Variants in MINK1 observed in about 807,000 individuals in gnomAD.
MINK1 encodes misshapen like kinase 1, also known as misshapen-like kinase 1.
In MINK1, 46 loss-of-function variants were observed where a neutral mutation model predicts 178.4. That is an observed-to-expected ratio of 0.26 (90% CI 0.20 to 0.33). MINK1 has a LOEUF of 0.33. MINK1 is among the 10% of genes least tolerant of loss of function. The pLI is 1.00. For missense variants in MINK1, 1,366 were observed against 1,814.9 expected (o/e 0.75, Z 4.49); for synonymous variants, 797 against 709.7 (o/e 1.12, Z -1.96).
intron 1 of MINK1, among the ~76,000 whole-genome samples, chr17:4,834,960 T>A (rs578179363): frequency 1.3e-5 from 2 of 152,288 alleles, no homozygotes; most frequent in South Asian, 4.1e-4. Flanking sequence ...GTGACACAGT[T>A]TTTTTTCTTC....
chr17:4,855,974 C>CA (rs60062875), intron 1 of MINK1, among the ~76,000 whole-genome samples: 498 of 119,090 alleles, frequency 4.2e-3, no homozygotes, highest in Middle Eastern at 8.4e-3. Context: ...GACTCTATCT[C>CA]AAAAAAAAAA....
rs572967895 is a variant in MINK1 at position 4,875,494 on chromosome 17, C to T, written c.58-2823C>T. 9.7e-4 allele frequency: 440 copies of T among 453,730 alleles called. 1 individual carries two copies. Among genetic ancestry groups the T allele is most frequent in the Non-Finnish European group, 1.5e-3 (340 of 226,716 alleles). 28.1% of individuals were successfully genotyped at this position (453,730 alleles called of 1,614,324 possible). A position where few individuals can be genotyped will look rare whatever the true frequency, so the allele number is the denominator to read the frequency against. On this transcript the variant is annotated intron_variant, in intron 1 of 31. Coordinates refer to ENST00000355280, the MANE Select transcript of MINK1 (RefSeq NM_153827.5). The stretch of plus-strand genomic sequence containing the variant: ...GACTCTAAAAAAACAAAAATGAGGC[C>T]GTGCGCAGTGGCTCACACCTGTAAT...
In MINK1 at chr17:4,878,395, G is replaced by A. The variant is rs1294240346; in HGVS notation, c.123+13G>A. The A allele has an allele frequency of 1.3e-5, 20 of 1,535,604 alleles. No individual in the cohort carries two copies. In the East Asian group the frequency reaches 4.4e-4, roughly 34 times the overall value. On this transcript the variant is annotated intron_variant, in intron 2 of 31. Transcript: ENST00000355280. Reference sequence around the variant, plus strand: ...ACAGGTGTACAAGGTGAGACGAATGGTGTGGAAGTATGACCTCCACATCTG... The same window carrying A: ...ACAGGTGTACAAGGTGAGACGAATGATGTGGAAGTATGACCTCCACATCTG...
At position 4,887,593 on chromosome 17, in the gene MINK1, G is replaced by T. The variant is rs746008781; in HGVS notation, c.1033G>T (p.Val345Leu). 7.8e-6 allele frequency: 12 copies of T among 1,534,452 alleles called. No homozygotes were observed. The South Asian group carries it at 1.4e-4, about 18-fold the overall frequency. ...EEGEPSSIMN[V>L]PGESTLRREF... is the part of the protein sequence containing the mutation. ...ACCCCTGCCCAGCTCCATCATGAAC[G>T]TGCCTGGAGAGTCGACTCTACGCCG... Residue 345 changes from valine to leucine, a missense_variant, in exon 12 of 32, where the codon GTG (valine) becomes TTG (leucine). Coordinates refer to ENST00000355280, the MANE Select transcript of MINK1 (RefSeq NM_153827.5). This position sits in a 1 kb window ranked among gnomAD's most constrained non-coding sequence, Gnocchi z 7.6.
At chr17:4,868,270 C>T (rs1432798026) in intron 1 of MINK1, among the ~76,000 whole-genome samples, 1 of 152,196 alleles carries the variant, frequency 6.6e-6, no homozygotes, top group Non-Finnish European at 1.5e-5. Flanking sequence ...AGCCACCGTG[C>T]CCAACCCTCT....
intron 1 of MINK1, among the ~76,000 whole-genome samples, chr17:4,859,885 C>CA (rs1225309223): frequency 2.8e-4 from 42 of 149,078 alleles, no homozygotes; most frequent in African/African-American, 1.0e-3. Context: ...CTTTACCCCT[C>CA]AAAGGGTTTC....
At chr17:4,864,271 T>C (rs1020008488) in intron 1 of MINK1, among the ~76,000 whole-genome samples, 1 of 151,286 alleles carries the variant, frequency 6.6e-6, no homozygotes, top group Non-Finnish European at 1.5e-5. Flanking sequence ...TGGTGGCGCA[T>C]GCCTGTAATC....
chr17:4,884,800 C>T (rs1968046909), intron 5 of MINK1, 112 bp from the exon 6 acceptor site: 1 of 920,812 alleles, frequency 1.1e-6, no homozygotes. Context: ...TCTGCTCCTT[C>T]AGCCCAGCCC....
chr17:4,880,221 C>T lies in MINK1; in HGVS notation c.124-763C>T, dbSNP rs151055001. Among the ~76,000 whole-genome samples, 102 of 152,068 alleles carry T rather than the reference C, an allele frequency of 6.7e-4. 1 individual carries two copies. The highest frequency in any genetic ancestry group is 6.3e-3 in the Admixed American group (97 of 15,288). On this transcript the variant is annotated intron_variant, in intron 2 of 31. Coordinates refer to ENST00000355280, the MANE Select transcript of MINK1 (RefSeq NM_153827.5). ...TCTGTTGGCCATGATGGCTCAGGAGCGCTCTCTGTCCACTCCCATGAGCAG... is the reference window on the plus strand; with the variant it reads ...TCTGTTGGCCATGATGGCTCAGGAGTGCTCTCTGTCCACTCCCATGAGCAG...
intron 2 of MINK1, among the ~76,000 whole-genome samples, 154 bp from the exon 3 acceptor site, chr17:4,880,830 G>T (rs925688225): frequency 2.6e-5 from 4 of 152,000 alleles, no homozygotes; most frequent in Non-Finnish European, 4.4e-5. Context: ...AACCCGGGAG[G>T]TGGAGCAGGC....
Position 4,833,631 on chromosome 17 carries a change from C to T in MINK1, c.48C>T (p.Ser16=), listed in dbSNP as rs1023618355. ...GCAGCCTGGACGACATCGACCTGTC[C>T]GCCCTGCGGGTGAGCGCGCCGTCCC... ...PARSLDDIDL[S]ALRDPAGIFE... Residue 16 remains serine, a synonymous_variant, in exon 1 of 32, where the codon TCC becomes TCT. Coordinates refer to ENST00000355280, the MANE Select transcript of MINK1 (RefSeq NM_153827.5). This position sits in a 1 kb window ranked among gnomAD's most constrained non-coding sequence, Gnocchi z 4.8. 4.7e-6 allele frequency: 7 copies of T among 1,498,570 alleles called. No homozygotes were observed. In the South Asian group the frequency reaches 6.2e-5, roughly 13 times the overall value. The allele number at this position is 1,498,570 out of a possible 1,614,324, so 92.8% of individuals were successfully genotyped here. A position where few individuals can be genotyped will look rare whatever the true frequency, so the allele number is the denominator to read the frequency against.
rs999608277 is a variant in MINK1, at chr17:4,896,803, G to A, written c.3905G>A (p.Arg1302Gln). 8 of 1,564,112 alleles carry A rather than the reference G, an allele frequency of 5.1e-6. No homozygotes were observed. The highest frequency in any genetic ancestry group is 1.7e-4 in the Middle Eastern group (1 of 5,838). ...RAQRLKFLCE[R>Q]NDKVFFASVR... ...CAGAGGCTCAAGTTCCTGTGTGAGC[G>A]GAATGACAAGGTGGGAGGCTCCTTC... Residue 1302 changes from arginine to glutamine, a missense_variant, in exon 31 of 32, where the codon CGG becomes CAG. Arg to Gln is a conservative substitution (Grantham distance 43). Transcript: ENST00000355280. The surrounding 1 kb of genome is among the most constrained non-coding windows in gnomAD (Gnocchi z 4.6).
At position 4,897,257 on chromosome 17, in the gene MINK1, T is replaced by G. The variant is rs373157408; in HGVS notation, c.3969T>G (p.Thr1323=). 4 of 1,613,578 alleles carry G rather than the reference T, an allele frequency of 2.5e-6. No individual in the cohort carries two copies. In the African/African-American group the frequency reaches 4.0e-5, roughly 16 times the overall value. The part of the protein sequence containing the change: ...SGGSSQVYFM[T]LNRNCIMNW ...GCAGCAGCCAAGTTTACTTCATGACTCTGAACCGTAACTGCATCATGAACT... is the reference window on the plus strand; with the variant it reads ...GCAGCAGCCAAGTTTACTTCATGACGCTGAACCGTAACTGCATCATGAACT... Residue 1323 remains threonine (T), a synonymous_variant, in exon 32 of 32, where the codon ACT becomes ACG. Transcript: ENST00000355280.
chr17:4,892,477 C>T lies in MINK1; in HGVS notation c.2163C>T (p.Pro721=), dbSNP rs1360736339. Residue 721 remains proline, a synonymous_variant, in exon 18 of 32, where the codon CCC becomes CCT. Coordinates refer to ENST00000355280, the MANE Select transcript of MINK1 (RefSeq NM_153827.5). ...AERGTPKPPG[P]PAQPPGPPNA... is the part of the protein sequence containing the mutation. ...GGGGCACCCCAAAGCCTCCAGGGCC[C>T]CCTGCTCAGCCCCCTGGCCCGCCCA... The T allele has an allele frequency of 5.8e-6, 9 of 1,563,616 alleles. No homozygotes were observed. The highest frequency in any genetic ancestry group is 2.3e-5 in the South Asian group (2 of 85,128).
Position 4,881,078 on chromosome 17 carries a change from G to T in MINK1, c.180+38G>T, listed in dbSNP as rs144015594. 8.1e-4 allele frequency: 1,247 copies of T among 1,535,970 alleles called. 6 individuals carry two copies. The African/African-American group carries it at 0.015, about 19-fold the overall frequency. On this transcript the variant is annotated intron_variant, in intron 3 of 31. Transcript: ENST00000355280. The stretch of plus-strand genomic sequence containing the variant: ...GCTGGGCAGTGGGAGGGTCGGACCA[G>T]CGAGAAGGGAGTGTTGGGGGAGTCT...
At chr17:4,888,211 G>A (rs1251496522) in intron 12 of MINK1, among the ~76,000 whole-genome samples, 4 of 152,046 alleles carry the variant, frequency 2.6e-5, no homozygotes, top group South Asian at 2.1e-4. Flanking sequence ...GCAAGACTCC[G>A]TCTCTAATAA....
intron 5 of MINK1, 146 bp downstream of exon 5, chr17:4,884,619 A>G (rs1218115979): frequency 3.0e-6 from 2 of 671,760 alleles, no homozygotes; most frequent in Middle Eastern, 4.0e-4. Flanking sequence ...ATGTGGAAGC[A>G]GGGTCCACAC....
intron 1 of MINK1, among the ~76,000 whole-genome samples, chr17:4,849,441 G>GGGC (rs1372645631): frequency 6.6e-6 from 1 of 152,192 alleles, no homozygotes; most frequent in Non-Finnish European, 1.5e-5. Flanking sequence ...ATTGAAGGCT[G>GGGC]GGCGGCTCAG....
At chr17:4,835,446 G>A (rs193032227) in intron 1 of MINK1, among the ~76,000 whole-genome samples, 111 of 152,260 alleles carry the variant, frequency 7.3e-4, no homozygotes, top group African/African-American at 2.5e-3. Context: ...GGCCAACACT[G>A]TGAAACCCCA....
Sources: gnomAD v4.1 joint callset for allele counts (sites outside exome capture counted in the v4.1 genomes callset) on GRCh38, gnomAD v4.1.1 for gene constraint, Gnocchi (gnomAD v3.1) non-coding constraint, MANE v1.5 for transcripts, NCBI Gene and HGNC (gene_info 2026-07-23, HGNC 2026-07-21) for gene names.